TUBG2: variants seen among roughly 807,000 people sequenced by gnomAD.
TUBG2 encodes tubulin gamma-2 chain.
Under a neutral mutation model 55.1 loss-of-function variants are expected in TUBG2, and 39 were observed. That is an observed-to-expected ratio of 0.71 (90% CI 0.55 to 0.93). The LOEUF (loss-of-function observed/expected upper bound fraction) is 0.93, where lower values mean the gene tolerates loss of function less well. TUBG2 is among the 40% of genes least tolerant of loss of function. The pLI is 0.00. For synonymous variants in TUBG2, 223 were observed against 241.0 expected (o/e 0.93, Z 0.69); for missense variants, 358 against 599.1 (o/e 0.60, Z 4.20).
chr17:42,660,719 G>C lies in TUBG2; in HGVS notation c.399+12G>C, dbSNP rs760843169. 5 of 1,613,734 alleles carry C rather than the reference G, an allele frequency of 3.1e-6. No individual in the cohort carries two copies. The highest frequency in any genetic ancestry group is 4.2e-6 in the Non-Finnish European group (5 of 1,179,806). ...GTGACAGTTTGGAGGTGAAGTTATGGAGTGGGGGAAGGAATGGGCAGGGAG... is the reference window on the plus strand; with the variant it reads ...GTGACAGTTTGGAGGTGAAGTTATGCAGTGGGGGAAGGAATGGGCAGGGAG... On this transcript the variant is annotated intron_variant, in intron 4 of 10. Transcript: ENST00000251412.
At position 42,666,130 on chromosome 17, in the gene TUBG2, G is replaced by A. The variant is rs1259886867; in HGVS notation, c.887G>A (p.Arg296Gln). 7.4e-6 allele frequency: 12 copies of A among 1,613,872 alleles called. No homozygotes were observed. Among genetic ancestry groups the A allele is most frequent in the African/African-American group, 1.3e-5 (1 of 74,914 alleles). ...ACCACGGTCCTGGATGTCATGAGGC[G>A]GCTGCTGCAGCCCAAGAACGTGATG... The part of the protein sequence containing the change: ...RKTTVLDVMR[R>Q]LLQPKNVMVS... The change falls in exon 9 of 11, where the codon CGG becomes CAG. Residue 296 changes from arginine (R) to glutamine (Q), a missense_variant. Physicochemically the swap from Arg to Gln is conservative, Grantham distance 43. This residue lies in a region of TUBG2 where 129 missense variants were observed against 251.6 expected (regional missense o/e 0.51). Transcript: ENST00000251412.
chr17:42,660,908 C>T, intron 4 of TUBG2: 1 of 540,746 alleles, frequency 1.8e-6, no homozygotes, highest in Non-Finnish European at 3.4e-6. Flanking sequence ...GGCACCGGCC[C>T]CTTAGGCATG....
rs1455822866 is a variant in TUBG2 at position 42,660,193 on chromosome 17, G to A, written c.207G>A (p.Leu69=). 11 of 1,610,552 alleles carry A rather than the reference G, an allele frequency of 6.8e-6. No homozygotes were observed. The highest frequency in any genetic ancestry group is 1.7e-5 in the Admixed American group (1 of 59,814). The change falls in exon 3 of 11, where the codon TTG becomes TTA. Residue 69 remains leucine, a synonymous_variant. Transcript: ENST00000251412. ...HYIPRAVLLD[L]EPRVIHSILN... ...TCCCCCGGGCCGTGCTGCTGGACTT[G>A]GAACCCCGGGTGATCCACTCCATCC...
intron 2 of TUBG2, 60 bp downstream of exon 2, chr17:42,660,006 T>C: frequency 1.3e-6 from 2 of 1,489,720 alleles, no homozygotes; most frequent in Non-Finnish European, 1.8e-6. Context: ...GGGAAGGGAG[T>C]GGCCTGGTAC....
chr17:42,659,790 G>T, intron 1 of TUBG2, 44 bp from the exon 2 acceptor site: 1 of 1,612,190 alleles, frequency 6.2e-7, no homozygotes, highest in South Asian at 1.1e-5. Context: ...GGCTCCTCAG[G>T]CCTTAAGGCT....
intron 6 of TUBG2, among the ~76,000 whole-genome samples, chr17:42,664,951 C>T (rs2052486540): frequency 6.7e-6 from 1 of 149,886 alleles, no homozygotes; most frequent in Non-Finnish European, 1.5e-5. Flanking sequence ...TGTCCAACTC[C>T]TGGCCTCGAG....
intron 6 of TUBG2, among the ~76,000 whole-genome samples, chr17:42,663,711 A>G (rs1425573457): frequency 6.6e-6 from 1 of 152,166 alleles, no homozygotes; most frequent in Non-Finnish European, 1.5e-5. Flanking sequence ...TGGGAGGCTG[A>G]GACGGGCGGA....
chr17:42,666,692 C>T lies in TUBG2; in HGVS notation c.1248C>T (p.Asp416=), dbSNP rs2052556482. 4 of 1,614,030 alleles carry T rather than the reference C, an allele frequency of 2.5e-6. No homozygotes were observed. The highest frequency in any genetic ancestry group is 3.4e-6 in the Non-Finnish European group (4 of 1,180,028). The change falls in exon 11 of 11, where the codon GAC becomes GAT. Residue 416 remains aspartate, a synonymous_variant. Transcript: ENST00000251412. Reference sequence around the variant, plus strand: ...TCCGTAAGGAGGACATGTTCAAGGACAACTTTGATGAGATGGACAGGTCTA... The same window carrying T: ...TCCGTAAGGAGGACATGTTCAAGGATAACTTTGATGAGATGGACAGGTCTA... ...EQFRKEDMFK[D]NFDEMDRSRE... is the part of the protein sequence containing the mutation.
rs1222370875 is a variant in TUBG2 at position 42,666,109 on chromosome 17, C to T, written c.866C>T (p.Thr289Met). Residue 289 changes from threonine to methionine, a missense_variant, in exon 9 of 11, where the codon ACG becomes ATG. Transcript: ENST00000251412. The stretch of plus-strand genomic sequence containing the variant: ...CAGGTGGCCAGCGTGAGGAAGACCA[C>T]GGTCCTGGATGTCATGAGGCGGCTG... ...DQSVASVRKT[T>M]VLDVMRRLLQ... 6 of 1,614,014 alleles carry T rather than the reference C, an allele frequency of 3.7e-6. No individual in the cohort carries two copies. Among genetic ancestry groups the T allele is most frequent in the Non-Finnish European group, 5.1e-6 (6 of 1,179,880 alleles).
intron 4 of TUBG2, chr17:42,661,233 A>C (rs2143515286): frequency 1.9e-5 from 3 of 154,230 alleles, no homozygotes; most frequent in Admixed American, 1.9e-4. Context: ...TAAAGGTGAA[A>C]GACAGTCTTT....
intron 1 of TUBG2, 109 bp downstream of exon 1, chr17:42,659,661 C>G: frequency 7.2e-7 from 1 of 1,390,246 alleles, no homozygotes. Context: ...ACCCCCTGCC[C>G]TGCTGCTCTG....
chr17:42,664,885 A>G (rs2052484203), intron 6 of TUBG2, among the ~76,000 whole-genome samples: 1 of 146,778 alleles, frequency 6.8e-6, no homozygotes, highest in South Asian at 2.1e-4. Flanking sequence ...ATATATTTAT[A>G]CTTTTTTATT....
intron 4 of TUBG2, chr17:42,661,002 G>A (rs941131332): frequency 3.5e-5 from 12 of 341,830 alleles, no homozygotes; most frequent in African/African-American, 1.0e-4. Flanking sequence ...AGACATTGGC[G>A]TTTTGGGAAT....
chr17:42,662,906 G>A lies in TUBG2; in HGVS notation c.400-67G>A. On this transcript the variant is annotated intron_variant, in intron 4 of 10. Coordinates refer to ENST00000251412, the MANE Select transcript of TUBG2 (RefSeq NM_016437.3). Reference sequence around the variant, plus strand: ...TGTGTGGTAAGACCCCACCCATCTGGTATCAGAATTGTGTTGTGAGAGTGT... The same window carrying A: ...TGTGTGGTAAGACCCCACCCATCTGATATCAGAATTGTGTTGTGAGAGTGT... 2.0e-6 allele frequency: 3 copies of A among 1,509,476 alleles called. No individual in the cohort carries two copies. In the East Asian group the frequency reaches 6.8e-5, roughly 34 times the overall value. The allele number at this position is 1,509,476 out of a possible 1,614,324, so 93.5% of individuals were successfully genotyped here. A position where few individuals can be genotyped will look rare whatever the true frequency, so the allele number is the denominator to read the frequency against.
chr17:42,659,587 G>A (rs954324211), intron 1 of TUBG2, 35 bp downstream of exon 1: 1 of 1,537,592 alleles, frequency 6.5e-7, no homozygotes, highest in African/African-American at 1.4e-5. Context: ...CCGGTCTCTG[G>A]TTCTGCCCCT....
intron 6 of TUBG2, among the ~76,000 whole-genome samples, chr17:42,664,819 G>A (rs951900175): frequency 1.2e-4 from 17 of 137,534 alleles, no homozygotes; most frequent in African/African-American, 4.6e-4. Flanking sequence ...CCCAGAAACA[G>A]TACTTTTCTT....
Position 42,663,418 on chromosome 17 carries a change from A to C in TUBG2, c.521A>C (p.Tyr174Ser). 6.2e-7 allele frequency: 1 copy of C among 1,614,094 alleles called. No individual in the cohort carries two copies. ...GTGCAGACTTATTCAGTGTTTCCCT[A>C]CCAGGACGAGATGAGCGACGTAGTG... ...KLVQTYSVFP[Y>S]QDEMSDVVVQ... Residue 174 changes from tyrosine to serine, a missense_variant, in exon 6 of 11, where the codon TAC (tyrosine) becomes TCC (serine). Around this residue, in one of 8 missense-constraint regions of TUBG2, gnomAD observed 40 missense variants for 40.4 expected, o/e 0.99. Transcript: ENST00000251412.
At chr17:42,662,890 A>C in intron 4 of TUBG2, 83 bp from the exon 5 acceptor site, 44 of 1,368,420 alleles carry the variant, frequency 3.2e-5, no homozygotes, top group Non-Finnish European at 4.2e-5. Context: ...GTGTGTGGTA[A>C]GACCCCACCC....
chr17:42,659,460 G>T lies in TUBG2; in HGVS notation c.-44G>T, dbSNP rs1597766048. The T allele has an allele frequency of 1.3e-6, 2 of 1,538,180 alleles. No homozygotes were observed. The highest frequency in any genetic ancestry group is 2.7e-5 in the African/African-American group (2 of 72,760). ...GCTGCCGGGCATTCGTCTCAGCCGT[G>T]ACTCTCGCCAGGCCGGGGCTGGCGC... On this transcript the variant is annotated 5_prime_UTR_variant, in exon 1 of 11. It removes the in-frame stop codon of an upstream open reading frame in the 5' UTR. Transcript: ENST00000251412.
Sources: gnomAD v4.1 joint callset for allele counts (sites outside exome capture counted in the v4.1 genomes callset) on GRCh38, gnomAD v4.1.1 for gene constraint, gnomAD v4.1.1 regional missense constraint, MANE v1.5 for transcripts, NCBI Gene and HGNC (gene_info 2026-07-23, HGNC 2026-07-21) for gene names.